Variants in TGFBR3 observed in about 807,000 individuals in gnomAD.
TGFBR3 encodes transforming growth factor beta receptor 3.
A neutral mutation model predicts 87.9 loss-of-function variants in TGFBR3; 46 were observed. The observed-to-expected ratio is 0.52, with a 90% CI of 0.41 to 0.67. The LOEUF (loss-of-function observed/expected upper bound fraction) is 0.67, where lower values mean the gene tolerates loss of function less well. Among genes scored for constraint, TGFBR3 ranks in the 30% least tolerant of loss-of-function variants. The probability of loss-of-function intolerance (pLI) is 0.00; values close to 1 mark genes in which losing one functional copy is unlikely to be tolerated. For synonymous variants in TGFBR3, 381 were observed against 391.6 expected (o/e 0.97, Z 0.32); for missense variants, 866 against 1,041.9 (o/e 0.83, Z 2.32).
chr1:91,803,348 G>A (rs1473169963), intron 2 of TGFBR3, among the ~76,000 whole-genome samples: 1 of 152,208 alleles, frequency 6.6e-6, no homozygotes, highest in Admixed American at 6.5e-5. Context: ...GCAGCTTCCT[G>A]TATGAAGGGA....
chr1:91,812,612 T>G (rs931086519), intron 2 of TGFBR3, among the ~76,000 whole-genome samples: 1 of 152,186 alleles, frequency 6.6e-6, no homozygotes, highest in African/African-American at 2.4e-5. Context: ...TGCTTTATAG[T>G]TTTTTCGGTT....
chr1:91,809,141 A>G (rs954861259), intron 2 of TGFBR3, among the ~76,000 whole-genome samples: 5 of 152,252 alleles, frequency 3.3e-5, no homozygotes, highest in African/African-American at 1.2e-4. Flanking sequence ...TAAGACTTGC[A>G]GAGCTACAAA....
At position 91,858,627 on chromosome 1, in the gene TGFBR3, A is replaced by C. The variant is rs865903681; in HGVS notation, c.61+2844T>G. On this transcript the variant is annotated intron_variant, in intron 2 of 16. Transcript: ENST00000212355. The stretch of plus-strand genomic sequence containing the variant: ...CTCTGTCTCAAAAAAAAAAAAAAAA[A>C]AAAAAACAAAATTTCCCTCTTCTTC... Among the ~76,000 whole-genome samples, 289 of 150,950 alleles carry C rather than the reference A, an allele frequency of 1.9e-3. 2 individuals carry two copies. Among genetic ancestry groups the C allele is most frequent in the African/African-American group, 6.6e-3 (269 of 40,640 alleles).
intron 2 of TGFBR3, among the ~76,000 whole-genome samples, chr1:91,814,214 T>C (rs1676126066): frequency 6.6e-6 from 1 of 151,824 alleles, no homozygotes; most frequent in South Asian, 2.1e-4. Flanking sequence ...GAAAGGCATA[T>C]GTATATGTAT....
At chr1:91,789,283 G>A (rs1457395882) in intron 3 of TGFBR3, among the ~76,000 whole-genome samples, 1 of 152,218 alleles carries the variant, frequency 6.6e-6, no homozygotes, top group Non-Finnish European at 1.5e-5. Context: ...CTCCAGCCTA[G>A]GCGACAGAGT....
intron 2 of TGFBR3, among the ~76,000 whole-genome samples, chr1:91,832,041 A>C (rs1021157714): frequency 6.6e-6 from 1 of 152,186 alleles, no homozygotes; most frequent in Non-Finnish European, 1.5e-5. Context: ...AACACAGTGA[A>C]TCTAATAATA....
intron 2 of TGFBR3, among the ~76,000 whole-genome samples, chr1:91,838,162 TA>T (rs1677125471): frequency 6.6e-6 from 1 of 152,148 alleles, no homozygotes; most frequent in Admixed American, 6.6e-5. Flanking sequence ...ATTCCCCTAC[TA>T]AGATATCTCT....
intron 3 of TGFBR3, among the ~76,000 whole-genome samples, chr1:91,789,344 G>A (rs1675100589): frequency 1.3e-5 from 2 of 152,152 alleles, no homozygotes; most frequent in African/African-American, 4.8e-5. Flanking sequence ...TCTATCTGGG[G>A]GAAGAGGCAA....
intron 4 of TGFBR3, among the ~76,000 whole-genome samples, chr1:91,744,891 C>T (rs986202146): frequency 1.3e-5 from 2 of 152,184 alleles, no homozygotes; most frequent in Non-Finnish European, 2.9e-5. Context: ...GGAGTCATCT[C>T]CTTGCACATC....
chr1:91,901,860 C>T (rs1272133677), intron 1 of TGFBR3, among the ~76,000 whole-genome samples: 2 of 150,540 alleles, frequency 1.3e-5, no homozygotes, highest in Non-Finnish European at 2.9e-5. Context: ...CTGCAGTGAG[C>T]TATAAACACG....
intron 3 of TGFBR3, chr1:91,783,275 G>A (rs1204925396): frequency 4.4e-4 from 1 of 2,256 alleles, no homozygotes; most frequent in Non-Finnish European, 7.5e-4. Context: ...CTGTGGTTCA[G>A]GTGGAAAAAA....
In TGFBR3 at chr1:91,712,288, C is replaced by T; in HGVS notation, c.2121G>A (p.Leu707=). The T allele has an allele frequency of 6.2e-7, 1 of 1,614,200 alleles. No homozygotes were observed. ...NTSLLFLQCE[L]TLCTKMEKHP... ...GCTTCTCCATCTTCGTACACAGCGT[C>T]AGCTCACACTGTAGAAAGAGCAGTG... is the stretch of plus-strand genomic sequence containing the variant. The change falls in exon 13 of 17, where the codon CTG becomes CTA. Residue 707 remains leucine (L), a synonymous_variant. Transcript: ENST00000212355.
intron 2 of TGFBR3, among the ~76,000 whole-genome samples, chr1:91,841,879 G>T (rs1677301835): frequency 6.6e-6 from 1 of 150,716 alleles, no homozygotes; most frequent in Admixed American, 6.7e-5. Flanking sequence ...CAGGTGGATT[G>T]CTTGAGTTCA....
intron 2 of TGFBR3, among the ~76,000 whole-genome samples, chr1:91,898,427 TG>T (rs763607009): frequency 1.4e-4 from 21 of 151,872 alleles, no homozygotes; most frequent in African/African-American, 1.5e-4. Context: ...TTCAACAGTA[TG>T]TTTTTTTTGG....
intron 1 of TGFBR3, among the ~76,000 whole-genome samples, chr1:91,885,659 C>A (rs1445890480): frequency 2.0e-5 from 3 of 152,194 alleles, no homozygotes; most frequent in Non-Finnish European, 4.4e-5. Context: ...CCCGTGCGGC[C>A]GCTGCCCACG....
intron 3 of TGFBR3, among the ~76,000 whole-genome samples, chr1:91,790,939 T>C (rs538111693): frequency 2.0e-5 from 3 of 152,252 alleles, no homozygotes; most frequent in East Asian, 3.9e-4. Flanking sequence ...TGAATCTCGA[T>C]AATCGAGGGG....
intron 2 of TGFBR3, among the ~76,000 whole-genome samples, chr1:91,808,747 A>G (rs1675927392): frequency 6.6e-6 from 1 of 152,152 alleles, no homozygotes; most frequent in Admixed American, 6.5e-5. Context: ...ACTGGAAGTG[A>G]GTCACCACAC....
At chr1:91,789,922 G>T (rs1383846534) in intron 3 of TGFBR3, among the ~76,000 whole-genome samples, 5 of 152,206 alleles carry the variant, frequency 3.3e-5, no homozygotes, top group Admixed American at 6.5e-5. Flanking sequence ...TCAAGTAAAG[G>T]AGTAACTCTT....
In TGFBR3 at chr1:91,681,976, A is replaced by C. The variant is rs746584073; in HGVS notation, c.*1763T>G. 11 of 453,678 alleles carry C rather than the reference A, an allele frequency of 2.4e-5. No individual in the cohort carries two copies. The highest frequency in any genetic ancestry group is 6.9e-4 in the Middle Eastern group (1 of 1,444). 28.1% of individuals were successfully genotyped at this position (453,678 alleles called of 1,614,324 possible). On this transcript the variant is annotated 3_prime_UTR_variant, in exon 17 of 17. Coordinates refer to ENST00000212355, the MANE Select transcript of TGFBR3 (RefSeq NM_003243.5). Reference sequence around the variant, plus strand: ...GTATATGGAAATCTAGAAATTTTTCAGTAGATCAATGTAGATAGCCTGGAA... The same window carrying C: ...GTATATGGAAATCTAGAAATTTTTCCGTAGATCAATGTAGATAGCCTGGAA...
Sources: gnomAD v4.1 joint callset for allele counts (sites outside exome capture counted in the v4.1 genomes callset) on GRCh38, gnomAD v4.1.1 for gene constraint, MANE v1.5 for transcripts, NCBI Gene and HGNC (gene_info 2026-07-23, HGNC 2026-07-21) for gene names.